The following DNAI4 variants were observed in gnomAD, a reference collection of about 807,000 sequenced individuals.
The protein encoded by DNAI4 is dynein axonemal intermediate chain 4.
A neutral mutation model predicts 105.8 loss-of-function variants in DNAI4; 85 were observed. That is an observed-to-expected ratio of 0.80 (90% CI 0.67 to 0.96). DNAI4 has a LOEUF of 0.96. Ranked by LOEUF, DNAI4 falls within the 40% of genes least tolerant of loss-of-function variation. DNAI4 has a pLI of 0.00. For missense variants in DNAI4, 1,014 were observed against 1,005.6 expected (o/e 1.01, Z -0.11); for synonymous variants, 352 against 331.5 (o/e 1.06, Z -0.67).
At chr1:66,876,535 C>T (rs1449313568) in intron 4 of DNAI4, among the ~76,000 whole-genome samples, 5 of 152,124 alleles carry the variant, frequency 3.3e-5, no homozygotes, top group Admixed American at 3.3e-4. Flanking sequence ...TGGCAGAGGA[C>T]TTACCATTCA....
chr1:66,892,991 A>AAGAAAGAAAGAAAGAG (rs1553227521), intron 3 of DNAI4, among the ~76,000 whole-genome samples: 8 of 108,062 alleles, frequency 7.4e-5, no homozygotes, highest in East Asian at 2.0e-4. Flanking sequence ...GAAAGAAAGA[A>AAGAAAGAAAGAAAGAG]AGAAAGAGAG....
chr1:66,848,449 A>T (rs1022875440), intron 7 of DNAI4: 2 of 356,128 alleles, frequency 5.6e-6, no homozygotes, highest in Admixed American at 4.0e-5. Context: ...TAGGTAACAC[A>T]TTCACAGGTT....
intron 4 of DNAI4, among the ~76,000 whole-genome samples, chr1:66,876,884 T>C (rs1646970165): frequency 6.6e-6 from 1 of 152,188 alleles, no homozygotes; most frequent in South Asian, 2.1e-4. Flanking sequence ...TCATGGCTCC[T>C]CTCCACACCT....
intron 7 of DNAI4, among the ~76,000 whole-genome samples, chr1:66,851,956 G>A (rs1646405996): frequency 6.6e-6 from 1 of 151,864 alleles, no homozygotes; most frequent in Non-Finnish European, 1.5e-5. Context: ...AAACAAGTCA[G>A]TGATATAAAG....
chr1:66,820,203 T>G (rs1645596524), intron 16 of DNAI4, among the ~76,000 whole-genome samples: 1 of 152,094 alleles, frequency 6.6e-6, no homozygotes, highest in Non-Finnish European at 1.5e-5. Flanking sequence ...ATTACATTCC[T>G]CAGAGTAGAC....
intron 1 of DNAI4, among the ~76,000 whole-genome samples, chr1:66,911,253 TA>T (rs1302130943): frequency 5.3e-5 from 8 of 152,204 alleles, no homozygotes; most frequent in Non-Finnish European, 1.0e-4. Context: ...GGATACAGAT[TA>T]AAAGATGCAT....
At chr1:66,881,837 T>C (rs1647078042) in intron 4 of DNAI4, among the ~76,000 whole-genome samples, 1 of 152,176 alleles carries the variant, frequency 6.6e-6, no homozygotes, top group East Asian at 1.9e-4. Flanking sequence ...CACCCAAATC[T>C]CATCTTGAAT....
intron 1 of DNAI4, among the ~76,000 whole-genome samples, chr1:66,923,976 C>T (rs1316467597): frequency 6.6e-6 from 1 of 151,844 alleles, no homozygotes; most frequent in Non-Finnish European, 1.5e-5. Context: ...ATTGACGAGA[C>T]GACAATAAAA....
intron 15 of DNAI4, among the ~76,000 whole-genome samples, chr1:66,824,185 G>T (rs1645698081): frequency 7.3e-6 from 1 of 137,064 alleles, no homozygotes; most frequent in Non-Finnish European, 1.6e-5. Flanking sequence ...CCCATTGCTT[G>T]TTTTTCTCAG....
chr1:66,921,188 A>G (rs1301418335), intron 1 of DNAI4: 1 of 152,248 alleles, frequency 6.6e-6, no homozygotes, highest in Non-Finnish European at 1.5e-5. Context: ...ACATTAAATA[A>G]GAATCAAAAG....
At chr1:66,895,149 A>G (rs1025330501) in intron 2 of DNAI4, among the ~76,000 whole-genome samples, 3 of 152,210 alleles carry the variant, frequency 2.0e-5, no homozygotes, top group Non-Finnish European at 4.4e-5. Flanking sequence ...TGCTTGATAA[A>G]TGTTAGTGCT....
At position 66,814,021 on chromosome 1, in the gene DNAI4, C is replaced by G; in HGVS notation, c.*109G>C. On this transcript the variant is annotated 3_prime_UTR_variant, in exon 17 of 17. Coordinates refer to ENST00000371026, the MANE Select transcript of DNAI4 (RefSeq NM_024763.5). ...TTTAAATTAAGTGGAAGTTATACAT[C>G]AAATATTGTTTTCTGAAATCAAAAT... 1.5e-6 allele frequency: 1 copy of G among 678,536 alleles called. No individual in the cohort carries two copies. Among genetic ancestry groups the G allele is most frequent in the Non-Finnish European group, 2.2e-6 (1 of 445,870 alleles). 42.0% of individuals were successfully genotyped at this position (678,536 alleles called of 1,614,324 possible). A position where few individuals can be genotyped will look rare whatever the true frequency, so the allele number is the denominator to read the frequency against.
intron 2 of DNAI4, among the ~76,000 whole-genome samples, chr1:66,901,359 C>G (rs947974176): frequency 2.0e-5 from 3 of 152,004 alleles, no homozygotes; most frequent in Admixed American, 6.5e-5. Flanking sequence ...CTAAGCAGTG[C>G]TTTAGCTGTA....
intron 4 of DNAI4, among the ~76,000 whole-genome samples, chr1:66,886,416 T>C (rs1463931534): frequency 1.3e-5 from 2 of 152,182 alleles, no homozygotes; most frequent in Non-Finnish European, 2.9e-5. Flanking sequence ...AAGCCAGACA[T>C]GTTGTATCCT....
intron 16 of DNAI4, among the ~76,000 whole-genome samples, chr1:66,819,977 A>C (rs1270850112): frequency 6.6e-6 from 1 of 152,198 alleles, no homozygotes; most frequent in Non-Finnish European, 1.5e-5. Flanking sequence ...AGAAGAAAAA[A>C]AGATTACTAT....
intron 13 of DNAI4, among the ~76,000 whole-genome samples, chr1:66,831,053 T>C (rs969672896): frequency 1.3e-5 from 2 of 150,516 alleles, no homozygotes; most frequent in Non-Finnish European, 3.0e-5. Context: ...GGGAGTATTA[T>C]GTCAATAGAT....
At chr1:66,878,472 G>T (rs1647003396) in intron 4 of DNAI4, among the ~76,000 whole-genome samples, 1 of 152,052 alleles carries the variant, frequency 6.6e-6, no homozygotes, top group African/African-American at 2.4e-5. Flanking sequence ...TTAGAGAATG[G>T]AATTAGAAAC....
chr1:66,844,108 C>T (rs1270155998), intron 8 of DNAI4, among the ~76,000 whole-genome samples: 8 of 60,018 alleles, frequency 1.3e-4, no homozygotes, highest in Non-Finnish European at 2.7e-4. Flanking sequence ...AAAAAAAAAA[C>T]TTTAAACCTT....
rs3033717 is a variant in DNAI4, at chr1:66,858,532, CA to C, written c.1096+3614del. On this transcript the variant is annotated intron_variant, in intron 7 of 16. Coordinates refer to ENST00000371026, the MANE Select transcript of DNAI4 (RefSeq NM_024763.5). The stretch of plus-strand genomic sequence containing the variant: ...TGGGCAACAGAGCAAGACTCCGTCT[CA>C]AAAAAAAAAAAAAAAAATGCAAAAA... 6.9e-3 allele frequency among the ~76,000 whole-genome samples: 436 copies of C among 63,578 alleles called. 5 individuals carry two copies. The highest frequency in any genetic ancestry group is 0.025 in the Middle Eastern group (3 of 118). The allele number at this position is 63,578 out of a possible 152,430, so 41.7% of individuals were successfully genotyped here.
Sources: allele counts gnomAD v4.1 joint callset (sites outside exome capture counted in the v4.1 genomes callset), GRCh38; gene constraint gnomAD v4.1.1; transcripts MANE v1.5; gene names NCBI Gene and HGNC (gene_info 2026-07-23, HGNC 2026-07-21).